LDB2: variants seen among roughly 807,000 people sequenced by gnomAD.
LDB2 encodes LIM domain-binding protein 2.
In LDB2, 12 loss-of-function variants were observed where a neutral mutation model predicts 44.3. The ratio of observed to expected loss-of-function variants is 0.27; its 90% CI spans 0.17 to 0.44. The LOEUF is 0.44. Ranked by LOEUF, LDB2 falls within the 20% of genes least tolerant of loss-of-function variation. LDB2 has a pLI of 1.00. For synonymous variants in LDB2, 164 were observed against 174.8 expected (o/e 0.94, Z 0.49); for missense variants, 344 against 473.5 (o/e 0.73, Z 2.54).
chr4:16,870,693 G>A (rs1040632777), intron 1 of LDB2, among the ~76,000 whole-genome samples: 10 of 152,024 alleles, frequency 6.6e-5, no homozygotes, highest in African/African-American at 2.4e-4. Flanking sequence ...GAGTGCAGCG[G>A]TGCAATCTCT....
chr4:16,880,462 T>C (rs566792094), intron 1 of LDB2, among the ~76,000 whole-genome samples: 1 of 152,182 alleles, frequency 6.6e-6, no homozygotes, highest in Non-Finnish European at 1.5e-5. Context: ...CACGTTTTTC[T>C]AGTTTGCATA....
At chr4:16,772,688 G>A (rs971180681) in intron 1 of LDB2, among the ~76,000 whole-genome samples, 3 of 152,062 alleles carry the variant, frequency 2.0e-5, no homozygotes, top group Non-Finnish European at 4.4e-5. Flanking sequence ...TGCTTTATAC[G>A]AAAAATTGCT....
intron 2 of LDB2, among the ~76,000 whole-genome samples, chr4:16,678,019 A>G (rs970215584): frequency 2.0e-5 from 3 of 152,214 alleles, no homozygotes; most frequent in Non-Finnish European, 2.9e-5. Context: ...TATGAGCGGT[A>G]TTGGTGACTT....
intron 2 of LDB2, among the ~76,000 whole-genome samples, chr4:16,716,338 C>T (rs1215053987): frequency 3.3e-5 from 5 of 152,090 alleles, no homozygotes; most frequent in African/African-American, 1.2e-4. Context: ...AGGCTCAAAG[C>T]CCGCATTCAC....
intron 2 of LDB2, among the ~76,000 whole-genome samples, chr4:16,650,934 T>C (rs1432825430): frequency 6.6e-6 from 1 of 152,228 alleles, no homozygotes; most frequent in Non-Finnish European, 1.5e-5. Context: ...AGAATCTTGA[T>C]TTCTCTATCC....
intron 6 of LDB2, among the ~76,000 whole-genome samples, chr4:16,510,013 G>A (rs1721088513): frequency 6.6e-6 from 1 of 152,136 alleles, no homozygotes; most frequent in South Asian, 2.1e-4. Flanking sequence ...TACTCTTGAG[G>A]CTGAGGTGTG....
chr4:16,858,316 C>T (rs942869039), intron 1 of LDB2, among the ~76,000 whole-genome samples: 2 of 152,124 alleles, frequency 1.3e-5, no homozygotes, highest in Non-Finnish European at 1.5e-5. Context: ...AAGCATAGAG[C>T]GCTTTATAAA....
At chr4:16,758,178 C>T (rs920617420) in intron 2 of LDB2, among the ~76,000 whole-genome samples, 4 of 152,032 alleles carry the variant, frequency 2.6e-5, no homozygotes, top group African/African-American at 9.7e-5. Context: ...CTAAAGCCTC[C>T]CCCAATTTTT....
intron 2 of LDB2, among the ~76,000 whole-genome samples, chr4:16,683,973 T>G (rs1748587749): frequency 6.6e-6 from 1 of 152,152 alleles, no homozygotes; most frequent in South Asian, 2.1e-4. Context: ...TTATCTCACT[T>G]TCTATTAGCA....
chr4:16,755,529 G>GT (rs1766419472), intron 2 of LDB2, among the ~76,000 whole-genome samples: 32 of 24,050 alleles, frequency 1.3e-3, no homozygotes, highest in African/African-American at 3.5e-3. Flanking sequence ...GTGTGTATGT[G>GT]AGAGAGAGAG....
At chr4:16,690,959 G>C (rs751145508) in intron 2 of LDB2, among the ~76,000 whole-genome samples, 2 of 152,152 alleles carry the variant, frequency 1.3e-5, no homozygotes, top group African/African-American at 4.8e-5. Context: ...CTGATGTCCT[G>C]TTGTATCTCT....
chr4:16,615,139 A>G (rs931670210), intron 2 of LDB2, among the ~76,000 whole-genome samples: 1 of 151,878 alleles, frequency 6.6e-6, no homozygotes, highest in Admixed American at 6.6e-5. Context: ...AATAGGAACG[A>G]TTTTACACTG....
At chr4:16,583,297 A>G (rs1302858094) in intron 5 of LDB2, among the ~76,000 whole-genome samples, 2 of 152,186 alleles carry the variant, frequency 1.3e-5, no homozygotes, top group Non-Finnish European at 2.9e-5. Flanking sequence ...ATCTCTATCC[A>G]TCCTTTCCAA....
At chr4:16,799,626 T>G (rs571824142) in intron 1 of LDB2, among the ~76,000 whole-genome samples, 1 of 152,332 alleles carries the variant, frequency 6.6e-6, no homozygotes, top group South Asian at 2.1e-4. Flanking sequence ...AGAGGATTTA[T>G]GATTGAACAA....
At chr4:16,714,593 C>T (rs1756654444) in intron 2 of LDB2, among the ~76,000 whole-genome samples, 2 of 152,116 alleles carry the variant, frequency 1.3e-5, no homozygotes, top group South Asian at 4.1e-4. Context: ...ACAGCCCAGC[C>T]TGGTAGTTTC....
At chr4:16,553,824 C>A (rs1040898490) in intron 5 of LDB2, among the ~76,000 whole-genome samples, 4 of 152,030 alleles carry the variant, frequency 2.6e-5, no homozygotes, top group African/African-American at 9.7e-5. Flanking sequence ...CACTAGTATC[C>A]CCATTTTATA....
chr4:16,745,376 A>G (rs1764194924), intron 2 of LDB2, among the ~76,000 whole-genome samples: 1 of 152,220 alleles, frequency 6.6e-6, no homozygotes, highest in South Asian at 2.1e-4. Flanking sequence ...GAACAGTGAA[A>G]AGGAAGTCAA....
At chr4:16,853,599 C>A (rs115551453) in intron 1 of LDB2, among the ~76,000 whole-genome samples, 315 of 152,272 alleles carry the variant, frequency 2.1e-3, no homozygotes, top group Non-Finnish European at 3.3e-3. Flanking sequence ...ATAGAACTAA[C>A]ATGTGGCTTA....
intron 1 of LDB2, among the ~76,000 whole-genome samples, chr4:16,820,818 G>A (rs1318849631): frequency 2.0e-5 from 3 of 152,062 alleles, no homozygotes; most frequent in Admixed American, 6.6e-5. Flanking sequence ...ACTCAAAATG[G>A]TCCGACAATA....
Sources: gnomAD v4.1 joint callset for allele counts (sites outside exome capture counted in the v4.1 genomes callset) on GRCh38, gnomAD v4.1.1 for gene constraint, MANE v1.5 for transcripts, NCBI Gene and HGNC (gene_info 2026-07-23, HGNC 2026-07-21) for gene names.